Variants in PRR12 observed in about 807,000 individuals in gnomAD.
PRR12 encodes the protein proline rich 12.
PRR12 carries 12 observed loss-of-function variants against 138.0 expected under a neutral mutation model. The ratio of observed to expected loss-of-function variants is 0.09; its 90% CI spans 0.06 to 0.14. PRR12 has a LOEUF of 0.14. PRR12 is among the 10% of genes least tolerant of loss of function. The probability of loss-of-function intolerance (pLI) is 1.00; values close to 1 mark genes in which losing one functional copy is unlikely to be tolerated. For missense variants in PRR12, 2,692 were observed against 2,861.3 expected (o/e 0.94, Z 1.35); for synonymous variants, 1,567 against 1,291.7 (o/e 1.21, Z -4.57).
Position 49,612,876 on chromosome 19 carries a change from C to T in PRR12, c.4774-1657C>T, listed in dbSNP as rs113889605. ...GTGGGGTTTCACCATGTAGGCTGGG[C>T]TGGTCTCAAACTCCCGACCTCAAGT... On this transcript the variant is annotated intron_variant, in intron 6 of 13. Coordinates refer to ENST00000418929, the MANE Select transcript of PRR12 (RefSeq NM_020719.3). 5.1e-3 allele frequency among the ~76,000 whole-genome samples: 779 copies of T among 151,786 alleles called. 6 individuals carry two copies. Among genetic ancestry groups the T allele is most frequent in the African/African-American group, 0.018 (760 of 41,456 alleles).
rs753651658 is a variant in PRR12 at position 49,620,440 on chromosome 19, T to C, written c.5586T>C (p.Leu1862=). 1.1e-5 allele frequency: 18 copies of C among 1,588,194 alleles called. No homozygotes were observed. The highest frequency in any genetic ancestry group is 1.0e-5 in the Non-Finnish European group (12 of 1,167,508). ...SYVEMLVSTA[L]DPDMIQALED... ...TGGAGATGTTGGTGAGCACAGCACTTGACCCAGACATGATCCAGGCCCTGG... is the reference window on the plus strand; with the variant it reads ...TGGAGATGTTGGTGAGCACAGCACTCGACCCAGACATGATCCAGGCCCTGG... Residue 1862 remains leucine (L), a synonymous_variant, in exon 10 of 14, where the codon CTT becomes CTC. Transcript: ENST00000418929.
rs34027784 is a variant in PRR12 at position 49,619,224 on chromosome 19, GTTTTTT to G, written c.5498-1108_5498-1103del. 3.8e-4 allele frequency among the ~76,000 whole-genome samples: 30 copies of G among 79,774 alleles called. No homozygotes were observed. In the East Asian group the frequency reaches 0.011, roughly 29 times the overall value. The allele number at this position is 79,774 out of a possible 152,430, so 52.3% of individuals were successfully genotyped here. ...AGGGTGAGTCTGATGCCTCCTGTGAGTTTTTTTTTTTTTTTTTTTTTTTTTGAGACA... is the reference window on the plus strand; with the variant it reads ...AGGGTGAGTCTGATGCCTCCTGTGAGTTTTTTTTTTTTTTTTTTTGAGACA... On this transcript the variant is annotated intron_variant, in intron 9 of 13. Coordinates refer to ENST00000418929, the MANE Select transcript of PRR12 (RefSeq NM_020719.3).
rs571000397 is a variant in PRR12 at position 49,609,718 on chromosome 19, G to A, written c.4774-4815G>A. Among the ~76,000 whole-genome samples, 206 of 152,306 alleles carry A rather than the reference G, an allele frequency of 1.4e-3. 1 individual carries two copies. The highest frequency in any genetic ancestry group is 4.8e-3 in the African/African-American group (201 of 41,558). On this transcript the variant is annotated intron_variant, in intron 6 of 13. Transcript: ENST00000418929. ...AGGGAAAGCACGCTGTGTTTGAGGT[G>A]TACAGGGATGCAAGGTGTTGAATGG...
rs981225665 is a variant in PRR12, at chr19:49,591,410, C to CCCCCTT, written c.-240_-235dup. Among the ~76,000 whole-genome samples, 3 of 148,908 alleles carry CCCCCTT rather than the reference C, an allele frequency of 2.0e-5. No individual in the cohort carries two copies. The highest frequency in any genetic ancestry group is 4.5e-5 in the Non-Finnish European group (3 of 66,494). The stretch of plus-strand genomic sequence containing the variant: ...CCCCCTTCCCTCCTCTAGGGGGAAC[C>CCCCCTT]CCCCTTCCCCCTTCCTTGGCTCAGC... On this transcript the variant is annotated 5_prime_UTR_variant, in exon 1 of 14. Coordinates refer to ENST00000418929, the MANE Select transcript of PRR12 (RefSeq NM_020719.3).
chr19:49,593,158 G>A (rs1319979454), intron 1 of PRR12, among the ~76,000 whole-genome samples, 169 bp from the exon 2 acceptor site: 1 of 152,000 alleles, frequency 6.6e-6, no homozygotes, highest in Non-Finnish European at 1.5e-5. Flanking sequence ...CTTTAGTTGA[G>A]CACCCCGATT....
Position 49,597,741 on chromosome 19 carries a change from C to T in PRR12, c.3406C>T (p.Pro1136Ser), listed in dbSNP as rs372081127. Reference protein sequence around the residue: ...SSCRSRPALSPLGDIDFCPPN... With the variant: ...SSCRSRPALSSLGDIDFCPPN... The stretch of plus-strand genomic sequence containing the variant: ...CTGCCGCTCCCGTCCGGCCCTCTCG[C>T]CACTGGGGGACATCGACTTCTGCCC... Residue 1136 changes from proline to serine, a missense_variant, in exon 4 of 14, where the codon CCA becomes TCA. By Grantham distance (74) the Pro-to-Ser change is moderately conservative. Around this residue, in one of 11 missense-constraint regions of PRR12, gnomAD observed 326 missense variants for 344.2 expected, o/e 0.95. Coordinates refer to ENST00000418929, the MANE Select transcript of PRR12 (RefSeq NM_020719.3). This position sits in a 1 kb window ranked among gnomAD's most constrained non-coding sequence, Gnocchi z 6.3. 1.2e-6 allele frequency: 2 copies of T among 1,607,806 alleles called. No individual in the cohort carries two copies. Among genetic ancestry groups the T allele is most frequent in the Non-Finnish European group, 1.7e-6 (2 of 1,177,976 alleles).
At position 49,594,533 on chromosome 19, in the gene PRR12, G is replaced by T. The variant is rs369377280; in HGVS notation, c.279G>T (p.Ser93=). Residue 93 remains serine (S), a synonymous_variant, in exon 3 of 14, where the codon TCG becomes TCT. Transcript: ENST00000418929. This position sits in a 1 kb window ranked among gnomAD's most constrained non-coding sequence, Gnocchi z 5.6. ...GPDASVMNLI[S]ALESRGPQPG... ...ACGCCTCCGTCATGAACCTTATCTCGGCCCTGGAATCCCGGGGCCCCCAGC... is the reference window on the plus strand; with the variant it reads ...ACGCCTCCGTCATGAACCTTATCTCTGCCCTGGAATCCCGGGGCCCCCAGC... 4.3e-6 allele frequency: 7 copies of T among 1,612,704 alleles called. No homozygotes were observed. Among genetic ancestry groups the T allele is most frequent in the East Asian group, 2.2e-5 (1 of 44,862 alleles).
rs1003640172 is a variant in PRR12, at chr19:49,595,261, C to T, written c.926C>T (p.Ala309Val). Residue 309 changes from alanine (A) to valine (V), a missense_variant, in exon 4 of 14, where the codon GCG becomes GTG. Physicochemically the swap from Ala to Val is moderately conservative, Grantham distance 64. Transcript: ENST00000418929. The part of the protein sequence containing the change: ...QPPPPPPPAH[A>V]LQHYLSCGGS... ...CCACCACCCCCGCCACCAGCCCATG[C>T]GCTCCAGCACTATCTGAGCTGTGGA... The T allele has an allele frequency of 5.2e-6, 8 of 1,545,140 alleles. No individual in the cohort carries two copies. The highest frequency in any genetic ancestry group is 3.9e-5 in the Admixed American group (2 of 50,966).
intron 10 of PRR12, 62 bp downstream of exon 10, chr19:49,620,539 G>C: frequency 6.5e-7 from 1 of 1,545,252 alleles, no homozygotes; most frequent in South Asian, 1.2e-5. Flanking sequence ...CAGGTGCTGA[G>C]GGCTTGGACG....
chr19:49,609,598 CAA>C lies in PRR12; in HGVS notation c.4774-4916_4774-4915del, dbSNP rs756447972. On this transcript the variant is annotated intron_variant, in intron 6 of 13. Transcript: ENST00000418929. ...CCTGGGCCACAGAGTGAGACTGTCT[CAA>C]AAAAAAAAAAAAAAAAAATTTGTTG... is the stretch of plus-strand genomic sequence containing the variant. 7.6e-3 allele frequency among the ~76,000 whole-genome samples: 803 copies of C among 105,948 alleles called. 8 individuals are homozygous for C. Among genetic ancestry groups the C allele is most frequent in the South Asian group, 0.011 (39 of 3,450 alleles). The allele number at this position is 105,948 out of a possible 152,430, so 69.5% of individuals were successfully genotyped here.
rs752069887 is a variant in PRR12, at chr19:49,596,333, GGCA to G, written c.2003_2005del (p.Ala668del). The G allele has an allele frequency of 6.2e-7, 1 of 1,610,064 alleles. No individual in the cohort carries two copies. The highest frequency in any genetic ancestry group is 8.5e-7 in the Non-Finnish European group (1 of 1,179,564). ...CGGACGGCTTGGTGGGCGAGGACGG[GGCA>G]GCAGATGCCTCTAAGGGACTTGGGG... On this transcript the variant is annotated inframe_deletion, in exon 4 of 14. Transcript: ENST00000418929. The surrounding 1 kb of genome is among the most constrained non-coding windows in gnomAD (Gnocchi z 5.6).
chr19:49,618,555 T>C (rs2080904382), intron 9 of PRR12, among the ~76,000 whole-genome samples: 1 of 152,004 alleles, frequency 6.6e-6, no homozygotes, highest in Non-Finnish European at 1.5e-5. Context: ...GCCCGGCTAA[T>C]TTGTGTATTT....
At chr19:49,623,987 T>C (rs2080939739) in intron 11 of PRR12, among the ~76,000 whole-genome samples, 1 of 148,884 alleles carries the variant, frequency 6.7e-6, no homozygotes, top group African/African-American at 2.5e-5. Context: ...GGCCAGGAAT[T>C]CTGGGGTGGG....
intron 1 of PRR12, 82 bp downstream of exon 1, chr19:49,591,822 C>A: frequency 1.2e-6 from 1 of 822,506 alleles, no homozygotes; most frequent in Non-Finnish European, 1.7e-6. Context: ...CCGGGCCCGC[C>A]CGGCGACGCG....
chr19:49,609,368 A>G (rs575409227), intron 6 of PRR12, among the ~76,000 whole-genome samples: 190 of 152,230 alleles, frequency 1.2e-3, no homozygotes, highest in Non-Finnish European at 1.8e-3. Context: ...TCGGAGGTCA[A>G]GGTGGGTGGA....
At position 49,595,258 on chromosome 19, in the gene PRR12, A is replaced by T. The variant is rs1391855708; in HGVS notation, c.923A>T (p.His308Leu). ...AQPPPPPPPA[H>L]ALQHYLSCGG... ...CCCCCACCACCCCCGCCACCAGCCC[A>T]TGCGCTCCAGCACTATCTGAGCTGT... Residue 308 changes from histidine to leucine, a missense_variant, in exon 4 of 14, where the codon CAT becomes CTT. Coordinates refer to ENST00000418929, the MANE Select transcript of PRR12 (RefSeq NM_020719.3). 3 of 1,534,642 alleles carry T rather than the reference A, an allele frequency of 2.0e-6. No homozygotes were observed. Among genetic ancestry groups the T allele is most frequent in the Non-Finnish European group, 2.6e-6 (3 of 1,137,406 alleles).
rs540584809 is a variant in PRR12, at chr19:49,614,692, G to A, written c.4890+43G>A. On this transcript the variant is annotated intron_variant, in intron 7 of 13. Coordinates refer to ENST00000418929, the MANE Select transcript of PRR12 (RefSeq NM_020719.3). This position sits in a 1 kb window ranked among gnomAD's most constrained non-coding sequence, Gnocchi z 5.0. ...ACCAAGGACTTGGGGGCCCCGGGGC[G>A]TGGTATCTAGGAGCTGGGGTTCCCC... 3.6e-5 allele frequency: 55 copies of A among 1,516,236 alleles called. No homozygotes were observed. In the East Asian group the frequency reaches 4.4e-4, roughly 12 times the overall value. 93.9% of individuals were successfully genotyped at this position (1,516,236 alleles called of 1,614,324 possible).
chr19:49,591,668 AC>A lies in PRR12; in HGVS notation c.18del (p.Ser7AlafsTer83). MDRN[Y>X]PSAGFGDPLG... ...CGCGGCCAATTCATGGACAGGAACTACCCCAGCGCCGGCTTCGGGGACCCGC... is the reference window on the plus strand; with the variant it reads ...CGCGGCCAATTCATGGACAGGAACTACCCAGCGCCGGCTTCGGGGACCCGC... On this transcript the variant is annotated frameshift_variant, in exon 1 of 14. Coordinates refer to ENST00000418929, the MANE Select transcript of PRR12 (RefSeq NM_020719.3). LOFTEE classifies it high-confidence loss of function. The A allele has an allele frequency of 7.6e-7, 1 of 1,309,968 alleles. No individual in the cohort carries two copies. Among genetic ancestry groups the A allele is most frequent in the Non-Finnish European group, 9.8e-7 (1 of 1,021,090 alleles). The allele number at this position is 1,309,968 out of a possible 1,614,324, so 81.1% of individuals were successfully genotyped here.
rs949882391 is a variant in PRR12 at position 49,616,856 on chromosome 19, C to T, written c.5497+637C>T. Among the ~76,000 whole-genome samples the T allele has an allele frequency of 6.6e-6, 1 of 152,204 alleles. No homozygotes were observed. Among genetic ancestry groups the T allele is most frequent in the Non-Finnish European group, 1.5e-5 (1 of 68,032 alleles). On this transcript the variant is annotated intron_variant, in intron 9 of 13. Coordinates refer to ENST00000418929, the MANE Select transcript of PRR12 (RefSeq NM_020719.3). This position sits in a 1 kb window ranked among gnomAD's most constrained non-coding sequence, Gnocchi z 4.2. ...TGATGATGTCTGGTTAGGCCGGGCA[C>T]AGTGGCTCGCGCCTGTAATCCCAAC...
Sources: gnomAD v4.1 joint callset for allele counts (sites outside exome capture counted in the v4.1 genomes callset) on GRCh38, gnomAD v4.1.1 for gene constraint, gnomAD v4.1.1 regional missense constraint, Gnocchi (gnomAD v3.1) non-coding constraint, MANE v1.5 for transcripts, NCBI Gene and HGNC (gene_info 2026-07-23, HGNC 2026-07-21) for gene names.